Variants in PEAK1 observed in about 807,000 individuals in gnomAD.
The protein encoded by PEAK1 is inactive tyrosine-protein kinase PEAK1.
In PEAK1, 54 loss-of-function variants were observed where a neutral mutation model predicts 124.7. That is an observed-to-expected ratio of 0.43 (90% CI 0.35 to 0.54). PEAK1 has a LOEUF of 0.54. Among genes scored for constraint, PEAK1 ranks in the 20% least tolerant of loss-of-function variants. The pLI, the probability that PEAK1 is intolerant of heterozygous loss-of-function variation, is 0.01. For synonymous variants in PEAK1, 719 were observed against 760.0 expected (o/e 0.95, Z 0.89); for missense variants, 2,046 against 2,134.5 (o/e 0.96, Z 0.82).
rs1437808032 is a variant in PEAK1, at chr15:77,180,406, A to G, written c.1521T>C (p.Ser507=). 6.2e-7 allele frequency: 1 copy of G among 1,614,016 alleles called. No individual in the cohort carries two copies. Among genetic ancestry groups the G allele is most frequent in the Non-Finnish European group, 8.5e-7 (1 of 1,179,988 alleles). Residue 507 remains serine, a synonymous_variant, in exon 7 of 10, where the codon TCT becomes TCC. Transcript: ENST00000682557. ...GTGTCAATGAAGATGATGTAACTGGAGAGTTTGGAGTAGAGGATGAGCTTT... is the reference window on the plus strand; with the variant it reads ...GTGTCAATGAAGATGATGTAACTGGGGAGTTTGGAGTAGAGGATGAGCTTT... ...KTKSSSSTPN[S]PVTSSSLTPG...
At chr15:77,187,104 G>C (rs955128418) in intron 6 of PEAK1, among the ~76,000 whole-genome samples, 34 of 152,296 alleles carry the variant, frequency 2.2e-4, no homozygotes, top group African/African-American at 7.9e-4. Flanking sequence ...GATAAGAAAA[G>C]CTCATTTACC....
chr15:77,337,206 A>G (rs2066256522), intron 2 of PEAK1: 1 of 984,976 alleles, frequency 1.0e-6, no homozygotes, highest in African/African-American at 1.7e-5. Flanking sequence ...AAGAAGTCCA[A>G]ATAAACTCAG....
At chr15:77,138,793 C>T (rs542714322) in intron 8 of PEAK1, among the ~76,000 whole-genome samples, 6 of 148,420 alleles carry the variant, frequency 4.0e-5, no homozygotes, top group East Asian at 3.9e-4. Flanking sequence ...ACCTGGGAGG[C>T]GGAGGTTGCA....
At chr15:77,348,546 A>C in intron 2 of PEAK1, 1 of 963,460 alleles carries the variant, frequency 1.0e-6, no homozygotes, top group South Asian at 4.8e-5. Context: ...AAGAAATAAA[A>C]GCTTGGCAAG....
intron 8 of PEAK1, chr15:77,155,719 G>C (rs562528870): frequency 1.4e-4 from 21 of 152,512 alleles, no homozygotes; most frequent in African/African-American, 4.8e-4. Flanking sequence ...ACCCTCAGCT[G>C]CAGGTCTGTT....
intron 1 of PEAK1, chr15:77,417,710 C>T: frequency 1.0e-6 from 1 of 985,440 alleles, no homozygotes; most frequent in Non-Finnish European, 1.2e-6. Flanking sequence ...ACCCGTTCCA[C>T]TTAAACAGCA....
At chr15:77,194,249 C>CG (rs2057998345) in intron 6 of PEAK1, among the ~76,000 whole-genome samples, 1 of 152,138 alleles carries the variant, frequency 6.6e-6, no homozygotes, top group Admixed American at 6.6e-5. Flanking sequence ...AACTTGAGTC[C>CG]TGGATTTTCA....
intron 9 of PEAK1, among the ~76,000 whole-genome samples, chr15:77,124,670 T>C (rs1228607282): frequency 1.3e-5 from 2 of 152,246 alleles, no homozygotes; most frequent in East Asian, 3.8e-4. Context: ...CCAGTCCTTC[T>C]GACCTCTCTT....
intron 2 of PEAK1, among the ~76,000 whole-genome samples, chr15:77,343,577 C>G (rs114943213): frequency 3.1e-4 from 47 of 150,828 alleles, no homozygotes; most frequent in African/African-American, 8.5e-4. Flanking sequence ...ACGTCCACCC[C>G]CTGGGTTCAA....
chr15:77,417,895 T>C, intron 1 of PEAK1: 5 of 984,332 alleles, frequency 5.1e-6, no homozygotes, highest in Non-Finnish European at 6.0e-6. Flanking sequence ...TTGAAAAACA[T>C]GTATGCAAAT....
intron 6 of PEAK1, among the ~76,000 whole-genome samples, chr15:77,232,337 A>T (rs2059942745): frequency 6.7e-6 from 1 of 148,914 alleles, no homozygotes; most frequent in Non-Finnish European, 1.5e-5. Context: ...ACACACACAC[A>T]CTGTGCCAAC....
intron 1 of PEAK1, chr15:77,404,216 G>A: frequency 2.0e-6 from 2 of 985,386 alleles, no homozygotes; most frequent in Non-Finnish European, 2.4e-6. Context: ...CAAAGTGAGT[G>A]TTCAGGATCC....
At chr15:77,352,611 A>G (rs1305220865) in intron 2 of PEAK1, 2 of 951,090 alleles carry the variant, frequency 2.1e-6, no homozygotes, top group Non-Finnish European at 2.5e-6. Context: ...TAGCAACTTC[A>G]TACCATACTC....
At chr15:77,223,350 C>G (rs899733130) in intron 6 of PEAK1, among the ~76,000 whole-genome samples, 3 of 152,016 alleles carry the variant, frequency 2.0e-5, no homozygotes, top group African/African-American at 7.2e-5. Context: ...ACAAGCAAAG[C>G]AGCAGCACAT....
chr15:77,105,335 TGTGTGTGTGTGTGTGTGTGTGTGC>T (rs2050737977), downstream of PEAK1: 1 of 141,508 alleles, frequency 7.1e-6, no homozygotes, highest in Non-Finnish European at 1.6e-5. Flanking sequence ...TGTGTGTGTG[TGTGTGTGTGTGTGTGTGTGTGTGC>T]GCGCGTGCGC....
chr15:77,171,553 A>G (rs146142714), intron 7 of PEAK1, among the ~76,000 whole-genome samples: 154 of 152,330 alleles, frequency 1.0e-3, no homozygotes, highest in Admixed American at 2.0e-3. Flanking sequence ...GGATAGGCAG[A>G]TATTTGTCAA....
intron 7 of PEAK1, among the ~76,000 whole-genome samples, chr15:77,175,457 C>A (rs1443754943): frequency 6.7e-6 from 1 of 149,410 alleles, no homozygotes; most frequent in African/African-American, 2.4e-5. Context: ...TGAACAGACA[C>A]TTCTCAAAAG....
chr15:77,193,723 G>C (rs1038800257), intron 6 of PEAK1, among the ~76,000 whole-genome samples: 1 of 152,092 alleles, frequency 6.6e-6, no homozygotes, highest in African/African-American at 2.4e-5. Flanking sequence ...AGAATTGCTC[G>C]AACCTGGAAG....
chr15:77,136,804 G>A (rs1361339211), intron 8 of PEAK1, among the ~76,000 whole-genome samples: 1 of 152,226 alleles, frequency 6.6e-6, no homozygotes, highest in Non-Finnish European at 1.5e-5. Flanking sequence ...ACTTGCATAA[G>A]TAACGAGGAG....
Sources: gnomAD v4.1 joint callset for allele counts (sites outside exome capture counted in the v4.1 genomes callset) on GRCh38, gnomAD v4.1.1 for gene constraint, MANE v1.5 for transcripts, NCBI Gene and HGNC (gene_info 2026-07-23, HGNC 2026-07-21) for gene names.